GEMIN2: variants seen among roughly 807,000 people sequenced by gnomAD.
The protein encoded by GEMIN2 is gem-associated protein 2.
A neutral mutation model predicts 45.8 loss-of-function variants in GEMIN2; 37 were observed. The observed-to-expected ratio is 0.81, with a 90% CI of 0.62 to 1.06. The LOEUF (loss-of-function observed/expected upper bound fraction) is 1.06. GEMIN2 is among the 50% of genes least tolerant of loss of function. The pLI, the probability that GEMIN2 is intolerant of heterozygous loss-of-function variation, is 0.00. For missense variants in GEMIN2, 335 were observed against 321.8 expected, an observed-to-expected ratio of 1.04 and a Z score of -0.31; for synonymous variants, 101 against 111.5, an observed-to-expected ratio of 0.91 and a Z score of 0.60.
intron 6 of GEMIN2, among the ~76,000 whole-genome samples, chr14:39,126,753 T>C (rs1207728177): frequency 6.6e-6 from 1 of 151,794 alleles, no homozygotes; most frequent in African/African-American, 2.4e-5. Context: ...ACTGATGGTT[T>C]TTTTGTTTTG....
intron 5 of GEMIN2, 61 bp from the exon 6 acceptor site, chr14:39,124,931 A>G (rs1381426642): frequency 6.9e-6 from 4 of 580,122 alleles, no homozygotes; most frequent in Non-Finnish European, 1.2e-5. Context: ...CACCAGTTTG[A>G]AAAAAAAAAA....
chr14:39,136,123 G>A (rs1205633404), intron 9 of GEMIN2, among the ~76,000 whole-genome samples: 2 of 152,084 alleles, frequency 1.3e-5, no homozygotes, highest in South Asian at 2.1e-4. Context: ...AAACAAACAC[G>A]TATATTGGCA....
rs1212260025 is a variant in GEMIN2, at chr14:39,128,067, C to CAAAAAAAAAAAAAAAAAAAAAAAAAAAA, written c.532-187_532-186insAAAAAAAAAAAAAAAAAAAAAAAAAAAA. The stretch of plus-strand genomic sequence containing the variant: ...TGGGCAACAGAGTGAGACTCTATCT[C>CAAAAAAAAAAAAAAAAAAAAAAAAAAAA]AAAAAAAAAAAAAAAAAAAAAAAAA... On this transcript the variant is annotated intron_variant, in intron 6 of 9. Coordinates refer to ENST00000308317, the MANE Select transcript of GEMIN2 (RefSeq NM_003616.3). 3.8e-4 allele frequency among the ~76,000 whole-genome samples: 4 copies of CAAAAAAAAAAAAAAAAAAAAAAAAAAAA among 10,552 alleles called. 2 individuals carry two copies. Among genetic ancestry groups the CAAAAAAAAAAAAAAAAAAAAAAAAAAAA allele is most frequent in the Non-Finnish European group, 6.5e-4 (2 of 3,086 alleles). The allele number at this position is 10,552 out of a possible 152,430, so 6.9% of individuals were successfully genotyped here. A position where few individuals can be genotyped will look rare whatever the true frequency, so the allele number is the denominator to read the frequency against.
At position 39,118,016 on chromosome 14, in the gene GEMIN2, C is replaced by T. The variant is rs150986614; in HGVS notation, c.240C>T (p.Pro80=). Reference sequence around the variant, plus strand: ...ATCTCTAGCTTTCAGGATGCCAACCCGCCCCTGAAGGTTATTCCCCAACAC... The same window carrying T: ...ATCTCTAGCTTTCAGGATGCCAACCTGCCCCTGAAGGTTATTCCCCAACAC... ...SVNISLSGCQ[P]APEGYSPTLQ... Residue 80 remains proline (P), a synonymous_variant, in exon 3 of 10, where the codon CCC becomes CCT. Coordinates refer to ENST00000308317, the MANE Select transcript of GEMIN2 (RefSeq NM_003616.3). The T allele has an allele frequency of 5.6e-6, 9 of 1,600,610 alleles. No individual in the cohort carries two copies. The highest frequency in any genetic ancestry group is 1.7e-4 in the Middle Eastern group (1 of 6,038).
intron 3 of GEMIN2, 120 bp from the exon 4 acceptor site, chr14:39,118,420 C>A: frequency 1.5e-6 from 1 of 646,948 alleles, no homozygotes; most frequent in Non-Finnish European, 2.9e-6. Flanking sequence ...TTTTACATCT[C>A]ACCCCCTCCC....
At chr14:39,128,602 T>C (rs568100017) in intron 7 of GEMIN2, among the ~76,000 whole-genome samples, 138 of 145,270 alleles carry the variant, frequency 9.5e-4, no homozygotes, top group African/African-American at 3.3e-3. Flanking sequence ...GCAATCCTCC[T>C]GCCTCAATCT....
In GEMIN2 at chr14:39,133,676, G is replaced by A. The variant is rs774421888; in HGVS notation, c.727G>A (p.Glu243Lys). The change falls in exon 9 of 10, where the codon GAG becomes AAG. Residue 243 changes from glutamate (E) to lysine (K), a missense_variant. By Grantham distance (56) the Glu-to-Lys change is moderately conservative. Transcript: ENST00000308317. Reference sequence around the variant, plus strand: ...TTTTTTTTAGGATAGCAAAGATGATGAGAGGGTTCCTGCTTTGAATTTATT... The same window carrying A: ...TTTTTTTTAGGATAGCAAAGATGATAAGAGGGTTCCTGCTTTGAATTTATT... ...VRLLVDSKDD[E>K]RVPALNLLIC... The A allele has an allele frequency of 1.3e-6, 2 of 1,487,858 alleles. No individual in the cohort carries two copies. The highest frequency in any genetic ancestry group is 1.8e-6 in the Non-Finnish European group (2 of 1,093,700). The allele number at this position is 1,487,858 out of a possible 1,614,324, so 92.2% of individuals were successfully genotyped here.
In GEMIN2 at chr14:39,136,677, C is replaced by G. The variant is rs2052785996; in HGVS notation, c.*198C>G. 4.0e-6 allele frequency: 2 copies of G among 495,558 alleles called. No homozygotes were observed. Among genetic ancestry groups the G allele is most frequent in the South Asian group, 3.4e-5 (1 of 29,062 alleles). The allele number at this position is 495,558 out of a possible 1,614,324, so 30.7% of individuals were successfully genotyped here. A position where few individuals can be genotyped will look rare whatever the true frequency, so the allele number is the denominator to read the frequency against. On this transcript the variant is annotated 3_prime_UTR_variant, in exon 10 of 10. Transcript: ENST00000308317. Reference sequence around the variant, plus strand: ...TCTGAAATATCAATGGAAAATCCCACTCAGTTTTTGATGAACAGTTTGAAC... The same window carrying G: ...TCTGAAATATCAATGGAAAATCCCAGTCAGTTTTTGATGAACAGTTTGAAC...
At chr14:39,114,542 C>A in intron 1 of GEMIN2, 67 bp downstream of exon 1, 1 of 1,174,372 alleles carries the variant, frequency 8.5e-7, no homozygotes, top group Non-Finnish European at 1.2e-6. Context: ...GCCCTCGGTG[C>A]TCTATTCCCG....
intron 7 of GEMIN2, 137 bp downstream of exon 7, chr14:39,128,485 C>CTTTTTTTTTT (rs71130820): frequency 6.7e-5 from 10 of 148,474 alleles, no homozygotes; most frequent in Non-Finnish European, 8.7e-5. Context: ...TTTTTCTTTT[C>CTTTTTTTTTT]TTTTTTTTTT....
intron 8 of GEMIN2, 152 bp downstream of exon 8, chr14:39,132,220 GGAAATGTTTTCT>G: frequency 1.7e-6 from 1 of 597,730 alleles, no homozygotes; most frequent in Non-Finnish European, 3.0e-6. Flanking sequence ...TAAATAATAT[GGAAATGTTTTCT>G]GAGATAAAGA....
intron 9 of GEMIN2, 46 bp from the exon 10 acceptor site, chr14:39,136,394 A>G (rs2139364602): frequency 1.0e-6 from 1 of 957,306 alleles, no homozygotes; most frequent in Non-Finnish European, 1.7e-6. Flanking sequence ...AAATAGTGCT[A>G]CAGTTAATAT....
intron 2 of GEMIN2, 116 bp from the exon 3 acceptor site, chr14:39,117,883 G>A (rs1169325428): frequency 1.0e-5 from 5 of 478,790 alleles, no homozygotes; most frequent in African/African-American, 2.0e-5. Context: ...TTATTTTCTT[G>A]TATAATCTTT....
intron 2 of GEMIN2, among the ~76,000 whole-genome samples, chr14:39,116,758 A>T (rs1244413429): frequency 1.3e-5 from 2 of 151,910 alleles, no homozygotes; most frequent in Non-Finnish European, 2.9e-5. Context: ...GGATTGATTG[A>T]TTGATTGATT....
Position 39,128,267 on chromosome 14 carries a change from T to TC in GEMIN2, c.532-13_532-12insC. ...TAATACAACTCTTCTCCACCCCCTCTTTTTTTTTTTAGGCAACAGTAACTA... is the reference window on the plus strand; with the variant it reads ...TAATACAACTCTTCTCCACCCCCTCTCTTTTTTTTTTAGGCAACAGTAACTA... On this transcript the variant is annotated splice_polypyrimidine_tract_variant and intron_variant, in intron 6 of 9. Coordinates refer to ENST00000308317, the MANE Select transcript of GEMIN2 (RefSeq NM_003616.3). The TC allele has an allele frequency of 1.5e-6, 1 of 678,784 alleles. No individual in the cohort carries two copies. The highest frequency in any genetic ancestry group is 2.1e-6 in the Non-Finnish European group (1 of 475,886). The allele number at this position is 678,784 out of a possible 1,614,324, so 42.0% of individuals were successfully genotyped here. A position where few individuals can be genotyped will look rare whatever the true frequency, so the allele number is the denominator to read the frequency against.
In GEMIN2 at chr14:39,133,668, AAGATGATG is replaced by A; in HGVS notation, c.723_730del (p.Asp241GlufsTer13). 1 of 1,502,936 alleles carries A rather than the reference AAGATGATG, an allele frequency of 6.7e-7. No individual in the cohort carries two copies. The highest frequency in any genetic ancestry group is 1.8e-4 in the Middle Eastern group (1 of 5,658). 93.1% of individuals were successfully genotyped at this position (1,502,936 alleles called of 1,614,324 possible). On this transcript the variant is annotated frameshift_variant, in exon 9 of 10. Transcript: ENST00000308317. LOFTEE classifies it high-confidence loss of function. The stretch of plus-strand genomic sequence containing the variant: ...TTCTTTTTTTTTTTTTAGGATAGCA[AAGATGATG>A]AGAGGGTTCCTGCTTTGAATTTATT...
chr14:39,122,803 T>TAC (rs1373063930), intron 5 of GEMIN2: 10 of 293,622 alleles, frequency 3.4e-5, no homozygotes, highest in Admixed American at 1.5e-4. Flanking sequence ...CAGACTTAGT[T>TAC]TATTAGCTCT....
In GEMIN2 at chr14:39,128,067, C is replaced by CAAAAAAAAAAAAAAAAAAA. The variant is rs1212260025; in HGVS notation, c.532-205_532-187dup. ...TGGGCAACAGAGTGAGACTCTATCT[C>CAAAAAAAAAAAAAAAAAAA]AAAAAAAAAAAAAAAAAAAAAAAAA... On this transcript the variant is annotated intron_variant, in intron 6 of 9. Coordinates refer to ENST00000308317, the MANE Select transcript of GEMIN2 (RefSeq NM_003616.3). Among the ~76,000 whole-genome samples, 10 of 10,564 alleles carry CAAAAAAAAAAAAAAAAAAA rather than the reference C, an allele frequency of 9.5e-4. 5 individuals are homozygous for CAAAAAAAAAAAAAAAAAAA. Among genetic ancestry groups the CAAAAAAAAAAAAAAAAAAA allele is most frequent in the Non-Finnish European group, 1.3e-3 (4 of 3,086 alleles). 6.9% of individuals were successfully genotyped at this position (10,564 alleles called of 152,430 possible).
Position 39,114,601 on chromosome 14 carries a change from C to T in GEMIN2, c.137+126C>T, listed in dbSNP as rs547835022. The T allele has an allele frequency of 1.5e-3, 1,087 of 724,236 alleles. 4 individuals carry two copies. The highest frequency in any genetic ancestry group is 2.2e-3 in the Non-Finnish European group (947 of 439,372). 44.9% of individuals were successfully genotyped at this position (724,236 alleles called of 1,614,324 possible). Reference sequence around the variant, plus strand: ...TCTATTCAGGATTCTGGATTACATCCTAACGTGGGCGAGTTTCTGTTGAAC... The same window carrying T: ...TCTATTCAGGATTCTGGATTACATCTTAACGTGGGCGAGTTTCTGTTGAAC... On this transcript the variant is annotated intron_variant, in intron 1 of 9. Coordinates refer to ENST00000308317, the MANE Select transcript of GEMIN2 (RefSeq NM_003616.3).
Sources: allele counts gnomAD v4.1 joint callset (sites outside exome capture counted in the v4.1 genomes callset), GRCh38; gene constraint gnomAD v4.1.1; transcripts MANE v1.5; gene names NCBI Gene and HGNC (gene_info 2026-07-23, HGNC 2026-07-21).